Variants in ESRRG observed in about 807,000 individuals in gnomAD.
ESRRG encodes the protein estrogen related receptor gamma.
Under a neutral mutation model 44.0 loss-of-function variants are expected in ESRRG, and 13 were observed. The ratio of observed to expected loss-of-function variants is 0.30; its 90% confidence interval spans 0.19 to 0.47. The LOEUF is 0.47. Ranked by LOEUF, ESRRG falls within the 20% of genes least tolerant of loss-of-function variation. The pLI is 1.00. For synonymous variants in ESRRG, 215 were observed against 214.6 expected (o/e 1.00, Z -0.02); for missense variants, 395 against 580.6 (o/e 0.68, Z 3.29).
chr1:217,122,579 G>A (rs993553392), intron 1 of ESRRG, among the ~76,000 whole-genome samples: 34 of 151,840 alleles, frequency 2.2e-4, no homozygotes, highest in Non-Finnish European at 4.7e-4. Context: ...TTCTTCATCC[G>A]GTGGTTCTTC....
At position 216,951,717 on chromosome 1, in the gene ESRRG, ATGTGTGTGTGTGTGTGTG is replaced by A. The variant is rs59233267; in HGVS notation, c.-105-12062_-105-12045del. Among the ~76,000 whole-genome samples, 83 of 143,718 alleles carry A rather than the reference ATGTGTGTGTGTGTGTGTG, an allele frequency of 5.8e-4. 3 individuals are homozygous for A. The highest frequency in any genetic ancestry group is 6.2e-4 in the East Asian group (3 of 4,824). The allele number at this position is 143,718 out of a possible 152,430, so 94.3% of individuals were successfully genotyped here. On this transcript the variant is annotated intron_variant, in intron 1 of 7. Coordinates refer to the ESRRG transcript ENST00000359162. The stretch of plus-strand genomic sequence containing the variant: ...TAATGGGTATAATGGAACTATCACT[ATGTGTGTGTGTGTGTGTG>A]TGTGTGTGTGTGTGTGTGTGTGTAT...
In ESRRG at chr1:216,514,810, C is replaced by T. The variant is rs572212903; in HGVS notation, c.1132+4342G>A. On this transcript the variant is annotated intron_variant, in intron 6 of 6. Coordinates refer to ENST00000408911, the MANE Select transcript of ESRRG (RefSeq NM_001438.4). Reference sequence around the variant, plus strand: ...ATGTTGTGGGAATCAAATAAGATTCCCTAGAAGAAGCTTAAAAAAGGAAAT... The same window carrying T: ...ATGTTGTGGGAATCAAATAAGATTCTCTAGAAGAAGCTTAAAAAAGGAAAT... 4.2e-3 allele frequency among the ~76,000 whole-genome samples: 637 copies of T among 151,950 alleles called. 4 individuals carry two copies. The highest frequency in any genetic ancestry group is 0.015 in the African/African-American group (606 of 41,446).
At chr1:217,116,037 A>T (rs917483809) in intron 1 of ESRRG, among the ~76,000 whole-genome samples, 2 of 152,232 alleles carry the variant, frequency 1.3e-5, no homozygotes, top group African/African-American at 4.8e-5. Flanking sequence ...GGTAATTTTT[A>T]TCATAAGTAG....
chr1:216,677,732 C>T (rs2076348958), intron 1 of ESRRG, among the ~76,000 whole-genome samples: 1 of 152,160 alleles, frequency 6.6e-6, no homozygotes, highest in South Asian at 2.1e-4. Flanking sequence ...AGAAGGTAAT[C>T]AGCATAAGGG....
At chr1:216,866,806 C>A (rs890378371) in intron 2 of ESRRG, among the ~76,000 whole-genome samples, 2 of 152,086 alleles carry the variant, frequency 1.3e-5, no homozygotes, top group African/African-American at 4.8e-5. Context: ...TTCTTACAGT[C>A]TTCAAACTCT....
At chr1:217,107,508 G>T (rs570344516) in intron 1 of ESRRG, among the ~76,000 whole-genome samples, 1 of 152,292 alleles carries the variant, frequency 6.6e-6, no homozygotes, top group Non-Finnish European at 1.5e-5. Flanking sequence ...GGGTTAGTTT[G>T]TGAAGTTTGT....
intron 1 of ESRRG, among the ~76,000 whole-genome samples, chr1:216,972,475 G>A (rs2071887031): frequency 6.6e-6 from 1 of 152,144 alleles, no homozygotes; most frequent in Non-Finnish European, 1.5e-5. Flanking sequence ...CTGTAGGCCA[G>A]AACCTCCATG....
chr1:216,685,351 C>T (rs111694718), intron 1 of ESRRG, among the ~76,000 whole-genome samples: 7,324 of 152,230 alleles, frequency 0.048, 235 homozygotes, highest in Non-Finnish European at 0.078. Flanking sequence ...CATGAGCAGA[C>T]CTCCTCTGCA....
chr1:216,922,972 G>A (rs191800217), intron 2 of ESRRG, among the ~76,000 whole-genome samples: 41 of 152,232 alleles, frequency 2.7e-4, no homozygotes, highest in Admixed American at 1.0e-3. Flanking sequence ...TATGCCCTAA[G>A]TCTTTATTTA....
At chr1:217,084,774 A>G (rs977756476) in intron 1 of ESRRG, among the ~76,000 whole-genome samples, 2 of 152,238 alleles carry the variant, frequency 1.3e-5, no homozygotes, top group African/African-American at 2.4e-5. Flanking sequence ...ATAAATAAAT[A>G]AAATATCTTT....
rs1016738904 is a variant in ESRRG, at chr1:216,671,898, T to C, written c.472+5178A>G. Reference sequence around the variant, plus strand: ...GGAGGCTAGTGTTTTGTCTATTAAATAATGAAATATGTAATACTTGGGTAT... The same window carrying C: ...GGAGGCTAGTGTTTTGTCTATTAAACAATGAAATATGTAATACTTGGGTAT... On this transcript the variant is annotated intron_variant, in intron 2 of 6. Transcript: ENST00000408911. Among the ~76,000 whole-genome samples, 21 of 152,204 alleles carry C rather than the reference T, an allele frequency of 1.4e-4. 1 individual carries two copies. Among genetic ancestry groups the C allele is most frequent in the Admixed American group, 1.4e-3 (21 of 15,292 alleles).
At chr1:217,112,424 G>A (rs1336353846) in intron 1 of ESRRG, among the ~76,000 whole-genome samples, 1 of 152,104 alleles carries the variant, frequency 6.6e-6, no homozygotes. Context: ...ACTATATTTG[G>A]GTCCTGGAGA....
intron 1 of ESRRG, among the ~76,000 whole-genome samples, chr1:217,101,957 C>A (rs1013028537): frequency 6.6e-6 from 1 of 152,088 alleles, no homozygotes; most frequent in Admixed American, 6.6e-5. Flanking sequence ...CAGGCATGCG[C>A]CACCACGCCT....
At chr1:217,130,504 G>C (rs907757697) in intron 1 of ESRRG, among the ~76,000 whole-genome samples, 1 of 152,226 alleles carries the variant, frequency 6.6e-6, no homozygotes, top group Admixed American at 6.5e-5. Flanking sequence ...CCAAAGAGCT[G>C]GGACTGCAGG....
At chr1:216,754,947 TTGCTACA>T (rs1303403485) in intron 2 of ESRRG, among the ~76,000 whole-genome samples, 1 of 151,960 alleles carries the variant, frequency 6.6e-6, no homozygotes, top group Non-Finnish European at 1.5e-5. Flanking sequence ...GACATCAAAT[TTGCTACA>T]TGTAACTAGG....
chr1:216,770,109 A>G (rs1234060332), intron 2 of ESRRG, among the ~76,000 whole-genome samples: 1 of 152,108 alleles, frequency 6.6e-6, no homozygotes, highest in African/African-American at 2.4e-5. Flanking sequence ...CATTGAGAGA[A>G]GGAAGGAGAA....
chr1:216,707,463 C>A (rs1262802603), intron 1 of ESRRG: 1 of 1,534,962 alleles, frequency 6.5e-7, no homozygotes, highest in East Asian at 2.4e-5. Context: ...TAATTACATT[C>A]ATGATGGGAA....
intron 1 of ESRRG, among the ~76,000 whole-genome samples, chr1:217,065,810 G>C (rs1415256659): frequency 6.6e-6 from 1 of 152,204 alleles, no homozygotes; most frequent in Non-Finnish European, 1.5e-5. Flanking sequence ...TATGATGGCA[G>C]TCCTCGTTTC....
intron 3 of ESRRG, among the ~76,000 whole-genome samples, chr1:216,568,574 T>C (rs1016184237): frequency 8.5e-5 from 13 of 152,188 alleles, no homozygotes; most frequent in Non-Finnish European, 1.8e-4. Flanking sequence ...AGAGCACCTA[T>C]GTGCTGGGGA....
Sources: gnomAD v4.1 joint callset for allele counts (sites outside exome capture counted in the v4.1 genomes callset) on GRCh38, gnomAD v4.1.1 for gene constraint, MANE v1.5 for transcripts, NCBI Gene and HGNC (gene_info 2026-07-23, HGNC 2026-07-21) for gene names.